The following REDIC1 variants were observed in gnomAD, a reference collection of about 807,000 sequenced individuals.
REDIC1 encodes the protein HEI10 Interacting Protein 1.
At chr12:39,838,997 A>T in the REDIC1 span, among the ~76,000 whole-genome samples, 1 of 152,094 alleles carries the variant, frequency 6.6e-6, no homozygotes, top group South Asian at 2.1e-4. Flanking sequence ...CCACAGGTCC[A>T]ATTTCATTTT....
the REDIC1 span, among the ~76,000 whole-genome samples, chr12:39,865,144 T>C: frequency 6.6e-6 from 1 of 152,154 alleles, no homozygotes; most frequent in African/African-American, 2.4e-5. Context: ...AACAGTAAAT[T>C]GGTAATGATT....
At chr12:39,827,713 AACAACATAGATATAG>A in the REDIC1 span, among the ~76,000 whole-genome samples, 24 of 152,198 alleles carry the variant, frequency 1.6e-4, no homozygotes, top group South Asian at 4.1e-4. Context: ...ATTGAAATTT[AACAACATAGATATAG>A]AAAACCATAC....
At chr12:39,805,205 G>T in the REDIC1 span, among the ~76,000 whole-genome samples, 1 of 152,170 alleles carries the variant, frequency 6.6e-6, no homozygotes, top group Non-Finnish European at 1.5e-5. Context: ...GCAGGGCGTG[G>T]TTTTTATTCT....
the REDIC1 span, among the ~76,000 whole-genome samples, chr12:39,702,817 G>C: frequency 6.6e-6 from 1 of 152,142 alleles, no homozygotes; most frequent in Non-Finnish European, 1.5e-5. Context: ...CATGTAAACA[G>C]AACCAAAGAC....
the REDIC1 span, among the ~76,000 whole-genome samples, chr12:39,638,174 A>G: frequency 1.3e-5 from 2 of 152,076 alleles, no homozygotes. Flanking sequence ...CTAGTGATAC[A>G]TGATCTAAGC....
At chr12:39,897,277 G>A in the REDIC1 span, among the ~76,000 whole-genome samples, 1 of 152,124 alleles carries the variant, frequency 6.6e-6, no homozygotes, top group Admixed American at 6.6e-5. Flanking sequence ...TTAAAAGAAC[G>A]TGGTTATGCT....
At chr12:39,628,763 T>C in the REDIC1 span, among the ~76,000 whole-genome samples, 1 of 152,198 alleles carries the variant, frequency 6.6e-6, no homozygotes, top group African/African-American at 2.4e-5. Flanking sequence ...ATCACTATAA[T>C]AATAGATATT....
At chr12:39,903,281 G>T in the REDIC1 span, among the ~76,000 whole-genome samples, 3 of 151,980 alleles carry the variant, frequency 2.0e-5, no homozygotes, top group African/African-American at 7.3e-5. Flanking sequence ...CTATGTATGG[G>T]GTACTTTAAT....
chr12:39,731,938 A>T, the REDIC1 span, among the ~76,000 whole-genome samples: 6 of 151,966 alleles, frequency 3.9e-5, no homozygotes, highest in African/African-American at 1.2e-4. Flanking sequence ...GGCAAACATC[A>T]TTCTAACCTC....
chr12:39,705,861 A>T, the REDIC1 span, among the ~76,000 whole-genome samples: 1 of 152,102 alleles, frequency 6.6e-6, no homozygotes, highest in East Asian at 1.9e-4. Context: ...ATTTTACTTA[A>T]TGGGGAAGAA....
the REDIC1 span, chr12:39,692,247 C>A: frequency 2.5e-6 from 2 of 796,892 alleles, no homozygotes; most frequent in Non-Finnish European, 3.6e-6. Flanking sequence ...ACTACTAATG[C>A]AATTGACTCG....
At chr12:39,832,654 C>T in the REDIC1 span, among the ~76,000 whole-genome samples, 1 of 152,014 alleles carries the variant, frequency 6.6e-6, no homozygotes, top group Non-Finnish European at 1.5e-5. Flanking sequence ...TCACTGCCCT[C>T]GTGAAGCTGA....
the REDIC1 span, among the ~76,000 whole-genome samples, chr12:39,697,494 C>T: frequency 6.6e-6 from 1 of 152,166 alleles, no homozygotes; most frequent in African/African-American, 2.4e-5. Context: ...GTAAACTACT[C>T]ATATCTGAAG....
chr12:39,720,908 G>T, the REDIC1 span: 1 of 1,613,568 alleles, frequency 6.2e-7, no homozygotes, highest in Non-Finnish European at 8.5e-7. Flanking sequence ...TCAGGTGACA[G>T]GATTGTTAAA....
chr12:39,764,759 T>C, the REDIC1 span: 7 of 1,612,542 alleles, frequency 4.3e-6, no homozygotes, highest in South Asian at 1.1e-5. Context: ...AGACAAGATA[T>C]AAAATAAGGC....
the REDIC1 span, among the ~76,000 whole-genome samples, chr12:39,637,340 A>C: frequency 1.3e-5 from 2 of 152,172 alleles, no homozygotes; most frequent in South Asian, 4.1e-4. Flanking sequence ...ATGATTGTAC[A>C]TATTTCTTTA....
the REDIC1 span, among the ~76,000 whole-genome samples, chr12:39,725,289 A>G: frequency 6.6e-6 from 1 of 152,170 alleles, no homozygotes; most frequent in Admixed American, 6.5e-5. Context: ...GTTTGAAATC[A>G]CAAACTAGCC....
At chr12:39,693,941 C>T in the REDIC1 span, among the ~76,000 whole-genome samples, 2 of 152,142 alleles carry the variant, frequency 1.3e-5, no homozygotes, top group Non-Finnish European at 2.9e-5. Flanking sequence ...ACATTTTATT[C>T]CACAGCCTCA....
the REDIC1 span, among the ~76,000 whole-genome samples, chr12:39,652,194 T>C: frequency 6.6e-6 from 1 of 152,184 alleles, no homozygotes; most frequent in South Asian, 2.1e-4. Flanking sequence ...ATTCCAAATA[T>C]ACCTGCTGTG....
Sources: allele counts gnomAD v4.1 joint callset (sites outside exome capture counted in the v4.1 genomes callset), GRCh38; gene constraint gnomAD v4.1.1; transcripts MANE v1.5; gene names NCBI Gene and HGNC (gene_info 2026-07-23, HGNC 2026-07-21).